Variants in GALNT2 observed in about 807,000 individuals in gnomAD.
The protein encoded by GALNT2 is polypeptide N-acetylgalactosaminyltransferase 2.
GALNT2 carries 31 observed loss-of-function variants against 81.4 expected under a neutral mutation model. The ratio of observed to expected loss-of-function variants is 0.38; its 90% CI spans 0.29 to 0.51. The LOEUF is 0.51. GALNT2 is among the 20% of genes least tolerant of loss of function. The pLI, the probability that GALNT2 is intolerant of heterozygous loss-of-function variation, is 0.87. For synonymous variants in GALNT2, 303 were observed against 287.4 expected, an observed-to-expected ratio of 1.05 and a Z score of -0.55; for missense variants, 629 against 765.7, an observed-to-expected ratio of 0.82 and a Z score of 2.11.
chr1:230,201,821 G>T (rs1247982313), intron 2 of GALNT2, among the ~76,000 whole-genome samples: 1 of 152,104 alleles, frequency 6.6e-6, no homozygotes, highest in Non-Finnish European at 1.5e-5. Flanking sequence ...CCGGAGAGTT[G>T]CATGCCCACA....
At position 230,243,140 on chromosome 1, in the gene GALNT2, C is replaced by G. The variant is rs979248130; in HGVS notation, c.608-166C>G. ...TAAAATTAAAAGTTCTGACAATAGTCTGTCTCATGGAGCAGTTTTGATCTC... is the reference window on the plus strand; with the variant it reads ...TAAAATTAAAAGTTCTGACAATAGTGTGTCTCATGGAGCAGTTTTGATCTC... On this transcript the variant is annotated intron_variant, in intron 6 of 15. Transcript: ENST00000366672. The surrounding 1 kb of genome is among the most constrained non-coding windows in gnomAD (Gnocchi z 4.2). 2.0e-5 allele frequency among the ~76,000 whole-genome samples: 3 copies of G among 152,224 alleles called. No individual in the cohort carries two copies. The highest frequency in any genetic ancestry group is 4.4e-5 in the Non-Finnish European group (3 of 68,036).
chr1:230,232,194 A>C (rs1056612875), intron 3 of GALNT2, among the ~76,000 whole-genome samples: 2 of 152,212 alleles, frequency 1.3e-5, no homozygotes, highest in Admixed American at 6.5e-5. Flanking sequence ...TCATGTACAT[A>C]CACACACTCA....
At chr1:230,147,204 C>T (rs186246608) in intron 1 of GALNT2, among the ~76,000 whole-genome samples, 23 of 152,336 alleles carry the variant, frequency 1.5e-4, no homozygotes, top group African/African-American at 5.3e-4. Context: ...TTGACAGCAT[C>T]CTCAATTTGG....
Position 230,279,192 on chromosome 1 carries a change from C to A in GALNT2, c.1561-111C>A. The A allele has an allele frequency of 8.5e-7, 1 of 1,179,712 alleles. No homozygotes were observed. The highest frequency in any genetic ancestry group is 2.6e-5 in the Admixed American group (1 of 38,314). The allele number at this position is 1,179,712 out of a possible 1,614,324, so 73.1% of individuals were successfully genotyped here. ...CGTTCAGATGAGAGGCTGGGAAAAA[C>A]GTGTCTATCTGTGAGTTTTTAATGC... On this transcript the variant is annotated intron_variant, in intron 15 of 15. Transcript: ENST00000366672. The surrounding 1 kb of genome is among the most constrained non-coding windows in gnomAD (Gnocchi z 4.6).
upstream of GALNT2, among the ~76,000 whole-genome samples, chr1:230,066,245 T>G (rs992794033): frequency 1.3e-5 from 2 of 152,250 alleles, no homozygotes; most frequent in Non-Finnish European, 2.9e-5. Flanking sequence ...CTGTCTTTCT[T>G]AGGAACACTG....
intron 6 of GALNT2, among the ~76,000 whole-genome samples, chr1:230,238,638 C>CT (rs1665103997): frequency 6.6e-6 from 1 of 152,048 alleles, no homozygotes; most frequent in Non-Finnish European, 1.5e-5. Context: ...AGTGGTATTT[C>CT]TTTTTTTAAT....
chr1:230,070,318 T>G lies in GALNT2; in HGVS notation c.126+2912T>G, dbSNP rs1659334285. On this transcript the variant is annotated intron_variant, in intron 1 of 15. Coordinates refer to ENST00000366672, the MANE Select transcript of GALNT2 (RefSeq NM_004481.5). The surrounding 1 kb of genome is among the most constrained non-coding windows in gnomAD (Gnocchi z 4.7). ...TTCAAGCGTGCCTTTCCTTTGAGCT[T>G]CTTAAATGCTTTAAAATTTTAACCA... Among the ~76,000 whole-genome samples the G allele has an allele frequency of 6.6e-6, 1 of 152,234 alleles. No individual in the cohort carries two copies.
chr1:230,255,935 C>A (rs1246774668), intron 11 of GALNT2, among the ~76,000 whole-genome samples: 4 of 152,186 alleles, frequency 2.6e-5, no homozygotes. Flanking sequence ...AGAAATTTAT[C>A]TACTCATAGT....
chr1:230,078,212 GT>G (rs1421245231), intron 1 of GALNT2, among the ~76,000 whole-genome samples: 1 of 152,160 alleles, frequency 6.6e-6, no homozygotes, highest in Non-Finnish European at 1.5e-5. Flanking sequence ...TTTATTAGTG[GT>G]TATATTATTA....
chr1:230,209,258 A>C (rs1194716403), intron 3 of GALNT2, among the ~76,000 whole-genome samples: 5 of 151,974 alleles, frequency 3.3e-5, no homozygotes, highest in African/African-American at 1.2e-4. Context: ...TGCCCCCTCA[A>C]GTTTCTTACG....
chr1:230,185,311 T>TGC (rs1663300412), intron 2 of GALNT2, among the ~76,000 whole-genome samples: 1 of 139,698 alleles, frequency 7.2e-6, no homozygotes, highest in African/African-American at 2.6e-5. Context: ...TGCGCGCGTG[T>TGC]GTGTGTGTGT....
Position 230,280,267 on chromosome 1 carries a change from G to A in GALNT2, c.*809G>A. 1 of 320,518 alleles carries A rather than the reference G, an allele frequency of 3.1e-6. No individual in the cohort carries two copies. Among genetic ancestry groups the A allele is most frequent in the Non-Finnish European group, 6.2e-6 (1 of 161,460 alleles). 19.9% of individuals were successfully genotyped at this position (320,518 alleles called of 1,614,324 possible). A position where few individuals can be genotyped will look rare whatever the true frequency, so the allele number is the denominator to read the frequency against. On this transcript the variant is annotated 3_prime_UTR_variant, in exon 16 of 16. Coordinates refer to ENST00000366672, the MANE Select transcript of GALNT2 (RefSeq NM_004481.5). ...GGTGCTACTGCTGTGGCCAGCTGGGGGGCTTCCTCCAGACCACCGGCCTCG... is the reference window on the plus strand; with the variant it reads ...GGTGCTACTGCTGTGGCCAGCTGGGAGGCTTCCTCCAGACCACCGGCCTCG...
At chr1:230,272,414 A>G (rs1352224794) in intron 14 of GALNT2, among the ~76,000 whole-genome samples, 1 of 152,298 alleles carries the variant, frequency 6.6e-6, no homozygotes, top group East Asian at 1.9e-4. Context: ...AGCCTTTAAT[A>G]GACTGAATTT....
chr1:230,170,308 T>C (rs866579104), intron 1 of GALNT2, among the ~76,000 whole-genome samples: 2 of 152,198 alleles, frequency 1.3e-5, no homozygotes, highest in African/African-American at 4.8e-5. Context: ...TTCAGAAATA[T>C]TTGAGAGACT....
chr1:230,236,471 C>T (rs369406623), intron 5 of GALNT2, 51 bp downstream of exon 5: 64 of 1,579,124 alleles, frequency 4.1e-5, no homozygotes, highest in Non-Finnish European at 5.5e-5. Context: ...CTCTGGGCAC[C>T]AGTCTTCCTG....
At chr1:230,067,226 G>T (rs1354732354), upstream of GALNT2, 5 of 1,149,592 alleles carry the variant, frequency 4.3e-6, no homozygotes, top group Non-Finnish European at 4.3e-6. Flanking sequence ...GCCCGCGGCC[G>T]GCCCAGGCAG....
chr1:230,259,394 A>C (rs533532745), intron 11 of GALNT2: 3 of 152,246 alleles, frequency 2.0e-5, no homozygotes, highest in Non-Finnish European at 4.4e-5. Flanking sequence ...AAGTTTGTGT[A>C]CATTAAACCA....
intron 2 of GALNT2, among the ~76,000 whole-genome samples, chr1:230,187,477 T>C (rs1663371777): frequency 6.6e-6 from 1 of 150,952 alleles, no homozygotes; most frequent in South Asian, 2.2e-4. Context: ...AGTAGAACTC[T>C]GTGCAGCCCC....
intron 1 of GALNT2, among the ~76,000 whole-genome samples, chr1:230,098,962 G>A (rs185013000): frequency 9.2e-5 from 14 of 152,290 alleles, no homozygotes; most frequent in Admixed American, 7.2e-4. Flanking sequence ...AGGTTGAGCT[G>A]TGCATTGAGC....
Sources: allele counts gnomAD v4.1 joint callset (sites outside exome capture counted in the v4.1 genomes callset), GRCh38; gene constraint gnomAD v4.1.1; non-coding constraint Gnocchi (gnomAD v3.1); transcripts MANE v1.5; gene names NCBI Gene and HGNC (gene_info 2026-07-23, HGNC 2026-07-21).